KAT2B: variants seen among roughly 807,000 people sequenced by gnomAD.
KAT2B encodes histone acetyltransferase KAT2B.
A neutral mutation model predicts 105.9 loss-of-function variants in KAT2B; 36 were observed. The ratio of observed to expected loss-of-function variants is 0.34; its 90% CI spans 0.26 to 0.45. KAT2B has a LOEUF of 0.45. KAT2B is among the 20% of genes least tolerant of loss of function. KAT2B has a pLI of 1.00. For synonymous variants in KAT2B, 397 were observed against 377.9 expected (o/e 1.05, Z -0.59); for missense variants, 820 against 1,021.6 (o/e 0.80, Z 2.69).
chr3:20,119,813 T>A, intron 8 of KAT2B, 90 bp downstream of exon 8: 1 of 1,398,126 alleles, frequency 7.2e-7, no homozygotes, highest in Non-Finnish European at 9.9e-7. Flanking sequence ...TTGAACCAAG[T>A]ACAGATTGTG....
chr3:20,140,694 G>A (rs1441262447), intron 13 of KAT2B, among the ~76,000 whole-genome samples: 3 of 152,036 alleles, frequency 2.0e-5, no homozygotes, highest in South Asian at 4.1e-4. Context: ...GTTTCACCAT[G>A]TTGGCCAGGC....
chr3:20,140,406 T>A (rs779307344), intron 13 of KAT2B, 42 bp downstream of exon 13: 16 of 1,602,562 alleles, frequency 1.0e-5, no homozygotes, highest in Middle Eastern at 2.0e-4. Flanking sequence ...TACAGGCCAG[T>A]CTTAGCTGGG....
At chr3:20,100,410 C>T (rs1698890373) in intron 4 of KAT2B, among the ~76,000 whole-genome samples, 1 of 152,178 alleles carries the variant, frequency 6.6e-6, no homozygotes. Flanking sequence ...AATGGACTTC[C>T]TGCTACATTA....
intron 1 of KAT2B, among the ~76,000 whole-genome samples, chr3:20,047,080 C>T (rs535433805): frequency 1.3e-5 from 2 of 151,864 alleles, no homozygotes; most frequent in Admixed American, 1.3e-4. Context: ...TTTGCCCCCC[C>T]CTTTTTTTTT....
At chr3:20,084,573 A>G (rs1485884438) in intron 2 of KAT2B, among the ~76,000 whole-genome samples, 1 of 152,096 alleles carries the variant, frequency 6.6e-6, no homozygotes, top group Non-Finnish European at 1.5e-5. Context: ...GCATTATGGT[A>G]ATAAATAAAT....
chr3:20,131,077 G>A (rs973411105), intron 11 of KAT2B, among the ~76,000 whole-genome samples: 5 of 144,936 alleles, frequency 3.4e-5, no homozygotes, highest in African/African-American at 1.0e-4. Context: ...GTGCAATGGC[G>A]TGATCTCGGC....
chr3:20,147,725 G>A (rs1699803002), intron 14 of KAT2B, among the ~76,000 whole-genome samples: 1 of 152,184 alleles, frequency 6.6e-6, no homozygotes, highest in Non-Finnish European at 1.5e-5. Context: ...GCTCTCCACT[G>A]AAAGGTTGGT....
At chr3:20,044,505 TC>T (rs2125161919) in intron 1 of KAT2B, among the ~76,000 whole-genome samples, 1 of 152,218 alleles carries the variant, frequency 6.6e-6, no homozygotes, top group African/African-American at 2.4e-5. Flanking sequence ...TTTATTGTGG[TC>T]CACAAGGCCC....
intron 1 of KAT2B, among the ~76,000 whole-genome samples, chr3:20,049,558 G>A (rs1697878244): frequency 6.6e-6 from 1 of 152,140 alleles, no homozygotes; most frequent in Non-Finnish European, 1.5e-5. Context: ...TTTCGCATGG[G>A]GTAGAGGGGG....
chr3:20,052,378 T>C (rs1333666778), intron 1 of KAT2B, among the ~76,000 whole-genome samples: 3 of 152,164 alleles, frequency 2.0e-5, no homozygotes, highest in Non-Finnish European at 4.4e-5. Flanking sequence ...CCTCAGCCCA[T>C]AGGAGAAACA....
At chr3:20,060,561 A>G (rs539021112) in intron 1 of KAT2B, among the ~76,000 whole-genome samples, 12 of 152,226 alleles carry the variant, frequency 7.9e-5, no homozygotes, top group Admixed American at 2.6e-4. Context: ...AGATCACGCC[A>G]TTGCACTCCA....
chr3:20,052,642 C>T (rs1278048409), intron 1 of KAT2B, among the ~76,000 whole-genome samples: 5 of 146,084 alleles, frequency 3.4e-5, no homozygotes, highest in Admixed American at 1.4e-4. Context: ...CGGAGAGAGA[C>T]CCCATCTCTT....
intron 15 of KAT2B, 109 bp from the exon 16 acceptor site, chr3:20,148,134 C>G: frequency 7.4e-7 from 1 of 1,351,482 alleles, no homozygotes; most frequent in East Asian, 2.3e-5. Context: ...CTAAAACATT[C>G]TGGAATGGTT....
Position 20,140,434 on chromosome 3 carries a change from G to C in KAT2B, c.2004+70G>C. Reference sequence around the variant, plus strand: ...TAGCTGGGGTGGGTTGCATTTCCTTGGGTGCTGCGTGTATGTGTTTACTGG... The same window carrying C: ...TAGCTGGGGTGGGTTGCATTTCCTTCGGTGCTGCGTGTATGTGTTTACTGG... On this transcript the variant is annotated intron_variant, in intron 13 of 17. Transcript: ENST00000263754. 2 of 1,526,516 alleles carry C rather than the reference G, an allele frequency of 1.3e-6. 1 individual carries two copies. The highest frequency in any genetic ancestry group is 4.5e-5 in the East Asian group (2 of 44,262). 94.6% of individuals were successfully genotyped at this position (1,526,516 alleles called of 1,614,324 possible). A position where few individuals can be genotyped will look rare whatever the true frequency, so the allele number is the denominator to read the frequency against.
chr3:20,104,314 G>A (rs1406901467), intron 5 of KAT2B, among the ~76,000 whole-genome samples: 1 of 152,012 alleles, frequency 6.6e-6, no homozygotes, highest in Non-Finnish European at 1.5e-5. Flanking sequence ...TAGACCAATA[G>A]CCCCTATTAA....
chr3:20,146,246 T>G, intron 13 of KAT2B, 70 bp from the exon 14 acceptor site: 1 of 847,324 alleles, frequency 1.2e-6, no homozygotes, highest in South Asian at 1.5e-5. Flanking sequence ...AACATTTCAT[T>G]AGGTTGACTG....
chr3:20,084,949 T>G lies in KAT2B; in HGVS notation c.431-10314T>G, dbSNP rs139444898. Among the ~76,000 whole-genome samples the G allele has an allele frequency of 1.0e-3, 159 of 152,344 alleles. 1 individual carries two copies. Among genetic ancestry groups the G allele is most frequent in the African/African-American group, 3.7e-3 (155 of 41,590 alleles). ...GTACTTCCATGAGTTAAACCTACTA[T>G]ATGTAGCACCTTAATTAGATGGTTT... On this transcript the variant is annotated intron_variant, in intron 2 of 17. Transcript: ENST00000263754.
chr3:20,087,555 A>G (rs1321933812), intron 2 of KAT2B, among the ~76,000 whole-genome samples: 1 of 152,162 alleles, frequency 6.6e-6, no homozygotes, highest in Non-Finnish European at 1.5e-5. Flanking sequence ...CAATTATATA[A>G]TTACAATGTA....
chr3:20,128,505 T>G (rs956228525), intron 11 of KAT2B, among the ~76,000 whole-genome samples: 1 of 152,170 alleles, frequency 6.6e-6, no homozygotes, highest in African/African-American at 2.4e-5. Context: ...TGTTTTTTTT[T>G]GTTGCTAATT....
Sources: gnomAD v4.1 joint callset for allele counts (sites outside exome capture counted in the v4.1 genomes callset) on GRCh38, gnomAD v4.1.1 for gene constraint, MANE v1.5 for transcripts, NCBI Gene and HGNC (gene_info 2026-07-23, HGNC 2026-07-21) for gene names.